The following STAB2 variants were observed in gnomAD, a reference collection of about 807,000 sequenced individuals.
The protein encoded by STAB2 is stabilin-2.
Under a neutral mutation model 338.1 loss-of-function variants are expected in STAB2, and 288 were observed. The ratio of observed to expected loss-of-function variants is 0.85; its 90% CI spans 0.77 to 0.94. The LOEUF is 0.94. STAB2 is among the 40% of genes least tolerant of loss of function. STAB2 has a pLI of 0.00. For missense variants in STAB2, 3,141 were observed against 3,210.1 expected, an observed-to-expected ratio of 0.98 and a Z score of 0.52; for synonymous variants, 1,202 against 1,193.3, an observed-to-expected ratio of 1.01 and a Z score of -0.15.
chr12:103,622,376 C>T (rs947999559), intron 5 of STAB2, among the ~76,000 whole-genome samples: 17 of 152,174 alleles, frequency 1.1e-4, no homozygotes, highest in Admixed American at 7.2e-4. Context: ...ATACAGCAAT[C>T]GGAAGTGAGG....
Position 103,596,239 on chromosome 12 carries a change from TTC to T in STAB2, c.331+1733_331+1734del, listed in dbSNP as rs1259755045. Among the ~76,000 whole-genome samples the T allele has an allele frequency of 2.0e-5, 3 of 152,362 alleles. No homozygotes were observed. In the East Asian group the frequency reaches 5.8e-4, roughly 29 times the overall value. ...ATAGAAAGAACTTTTAGATTTGCTT[TTC>T]TCTTTCTAACCCACAAAAACAAATC... is the stretch of plus-strand genomic sequence containing the variant. On this transcript the variant is annotated intron_variant, in intron 3 of 68. Coordinates refer to ENST00000388887, the MANE Select transcript of STAB2 (RefSeq NM_017564.10).
chr12:103,652,444 C>A, intron 11 of STAB2, 112 bp from the exon 12 acceptor site: 4 of 1,018,492 alleles, frequency 3.9e-6, no homozygotes, highest in Non-Finnish European at 4.1e-6. Flanking sequence ...AAGCCCAAAC[C>A]CAAGTTAGGG....
intron 3 of STAB2, among the ~76,000 whole-genome samples, chr12:103,617,376 A>G (rs376251622): frequency 2.6e-5 from 4 of 152,332 alleles, no homozygotes; most frequent in African/African-American, 9.6e-5. Flanking sequence ...ACCAATCTGA[A>G]AAAACAAAAC....
At chr12:103,667,664 G>A (rs548086767) in intron 19 of STAB2, among the ~76,000 whole-genome samples, 6 of 152,300 alleles carry the variant, frequency 3.9e-5, no homozygotes, top group African/African-American at 1.4e-4. Flanking sequence ...CAAAAGGACT[G>A]TAGTGCTCCT....
intron 19 of STAB2, among the ~76,000 whole-genome samples, 195 bp downstream of exon 19, chr12:103,666,548 C>T (rs975210697): frequency 5.9e-5 from 9 of 152,144 alleles, no homozygotes; most frequent in Non-Finnish European, 8.8e-5. Context: ...GTTCATTGAC[C>T]CTAGAGAAGT....
intron 54 of STAB2, among the ~76,000 whole-genome samples, chr12:103,739,882 G>A (rs1454976579): frequency 6.6e-6 from 1 of 152,132 alleles, no homozygotes; most frequent in Non-Finnish European, 1.5e-5. Flanking sequence ...TGAGAAAAAT[G>A]GGTCTCAGAG....
At chr12:103,714,847 CA>C (rs1164100400) in intron 42 of STAB2, among the ~76,000 whole-genome samples, 1 of 152,144 alleles carries the variant, frequency 6.6e-6, no homozygotes, top group Non-Finnish European at 1.5e-5. Context: ...CTTACGTAAC[CA>C]CAGCACAGTT....
At chr12:103,707,752 G>A (rs990087068) in intron 38 of STAB2, among the ~76,000 whole-genome samples, 1 of 152,128 alleles carries the variant, frequency 6.6e-6, no homozygotes, top group Non-Finnish European at 1.5e-5. Context: ...GGCTATCACT[G>A]TTTTCTCCTC....
At chr12:103,613,164 T>C (rs1957153500) in intron 3 of STAB2, among the ~76,000 whole-genome samples, 1 of 152,218 alleles carries the variant, frequency 6.6e-6, no homozygotes, top group African/African-American at 2.4e-5. Context: ...AGTCTGTCCG[T>C]TCTCAGATCT....
intron 18 of STAB2, among the ~76,000 whole-genome samples, chr12:103,664,436 C>A (rs860532): frequency 0.77 from 117,913 of 152,148 alleles, 46,297 homozygotes; most frequent in East Asian, 1. Flanking sequence ...GAGCCACCGC[C>A]CCTGGCCAGT....
At chr12:103,756,740 G>A (rs1008635047) in intron 63 of STAB2, among the ~76,000 whole-genome samples, 5 of 152,010 alleles carry the variant, frequency 3.3e-5, no homozygotes, top group African/African-American at 9.7e-5. Context: ...TGAGTATAGG[G>A]CTTGTAGGAT....
chr12:103,659,529 G>A (rs1874442923), intron 15 of STAB2, among the ~76,000 whole-genome samples: 1 of 152,244 alleles, frequency 6.6e-6, no homozygotes. Context: ...CTTGAGGGCT[G>A]TGAAGCTTGT....
In STAB2 at chr12:103,745,233, TC is replaced by T; in HGVS notation, c.6093del (p.Cys2032ValfsTer93). ...DDGITGSGQC[L>X]CETGWTGPSC... ...GGCATCACGGGCTCCGGGCAGTGCC[TC>T]TGTGAAACGGGGTGGACAGGCCCCT... On this transcript the variant is annotated frameshift_variant, in exon 57 of 69. Coordinates refer to ENST00000388887, the MANE Select transcript of STAB2 (RefSeq NM_017564.10). LOFTEE classifies it high-confidence loss of function. 6.2e-7 allele frequency: 1 copy of T among 1,614,014 alleles called. No homozygotes were observed. The highest frequency in any genetic ancestry group is 8.5e-7 in the Non-Finnish European group (1 of 1,179,994).
intron 16 of STAB2, 91 bp downstream of exon 16, chr12:103,660,475 T>A (rs1162287477): frequency 5.4e-6 from 8 of 1,483,112 alleles, no homozygotes; most frequent in Non-Finnish European, 7.5e-6. Flanking sequence ...CTAGAAAATG[T>A]CCTTTATCTG....
intron 41 of STAB2, 58 bp from the exon 42 acceptor site, chr12:103,713,585 A>G: frequency 6.3e-7 from 1 of 1,599,012 alleles, no homozygotes; most frequent in South Asian, 1.1e-5. Flanking sequence ...TTGAGGAAAA[A>G]TACATCAATG....
intron 29 of STAB2, 118 bp from the exon 30 acceptor site, chr12:103,690,306 G>A: frequency 1.1e-6 from 1 of 917,384 alleles, no homozygotes. Context: ...GGTAACTGCA[G>A]GGGGAACTTG....
At chr12:103,627,215 C>G (rs1957394238) in intron 5 of STAB2, among the ~76,000 whole-genome samples, 1 of 152,206 alleles carries the variant, frequency 6.6e-6, no homozygotes, top group Admixed American at 6.5e-5. Flanking sequence ...CTGCCCCAGT[C>G]TGCCTCTGGT....
chr12:103,616,103 A>G (rs1277306718), intron 3 of STAB2, among the ~76,000 whole-genome samples: 1 of 152,206 alleles, frequency 6.6e-6, no homozygotes. Flanking sequence ...TTTTTAAAAG[A>G]AAGGTATATT....
intron 44 of STAB2, among the ~76,000 whole-genome samples, chr12:103,718,690 GAC>G (rs1162179220): frequency 6.6e-6 from 1 of 152,222 alleles, no homozygotes; most frequent in Non-Finnish European, 1.5e-5. Flanking sequence ...GAACTGTCCA[GAC>G]ATAGAGAGTT....
Sources: gnomAD v4.1 joint callset for allele counts (sites outside exome capture counted in the v4.1 genomes callset) on GRCh38, gnomAD v4.1.1 for gene constraint, MANE v1.5 for transcripts, NCBI Gene and HGNC (gene_info 2026-07-23, HGNC 2026-07-21) for gene names.